The following SLC19A2 variants were observed in gnomAD, a reference collection of about 807,000 sequenced individuals.
SLC19A2 encodes solute carrier family 19 member 2, also known as thiamine transporter 1.
In SLC19A2, 27 loss-of-function variants were observed where a neutral mutation model predicts 44.7. The ratio of observed to expected loss-of-function variants is 0.60; its 90% CI spans 0.45 to 0.83. SLC19A2 has a LOEUF of 0.83. Ranked by LOEUF, SLC19A2 falls within the 40% of genes least tolerant of loss-of-function variation. The pLI is 0.00. For missense variants in SLC19A2, 566 were observed against 613.7 expected (o/e 0.92, Z 0.82); for synonymous variants, 239 against 243.6 (o/e 0.98, Z 0.18).
Position 169,469,970 on chromosome 1 carries a change from A to C in SLC19A2, c.1024T>G (p.Leu342Val), listed in dbSNP as rs1557889105. The change falls in exon 3 of 6, where the codon TTA becomes GTA. Residue 342 changes from leucine to valine, a missense_variant. By Grantham distance (32) the Leu-to-Val change is conservative. Coordinates refer to ENST00000236137, the MANE Select transcript of SLC19A2 (RefSeq NM_006996.3). ...ATTATCCTGCATTGCTTACCCAGTA[A>C]GGTTGAAACGGCCTCCACGCCACCA... ...YNGGVEAVST[L>V]LGAVAVFAVG... is the part of the protein sequence containing the mutation. 6.2e-7 allele frequency: 1 copy of C among 1,613,620 alleles called. No individual in the cohort carries two copies. The highest frequency in any genetic ancestry group is 8.5e-7 in the Non-Finnish European group (1 of 1,179,770).
chr1:169,469,420 A>G (rs1272101175), intron 3 of SLC19A2, among the ~76,000 whole-genome samples: 3 of 152,206 alleles, frequency 2.0e-5, no homozygotes, highest in Admixed American at 6.5e-5. Context: ...CTCTGAAGCC[A>G]TCCTGCCTGA....
chr1:169,473,409 ATTT>A (rs34688678), intron 2 of SLC19A2, among the ~76,000 whole-genome samples: 7 of 138,626 alleles, frequency 5.0e-5, no homozygotes, highest in Admixed American at 2.2e-4. Context: ...TAGTTTTTGT[ATTT>A]TTTTTTTTTT....
intron 2 of SLC19A2, among the ~76,000 whole-genome samples, chr1:169,473,127 C>T (rs768730194): frequency 2.6e-5 from 4 of 152,132 alleles, no homozygotes; most frequent in Non-Finnish European, 5.9e-5. Context: ...AAGATTTTGA[C>T]GCTGTTTTAT....
chr1:169,464,701 A>G lies in SLC19A2; in HGVS notation c.*1148T>C, dbSNP rs1657947445. The G allele has an allele frequency of 6.6e-6, 1 of 152,634 alleles. No homozygotes were observed. The highest frequency in any genetic ancestry group is 1.5e-5 in the Non-Finnish European group (1 of 68,012). The allele number at this position is 152,634 out of a possible 1,614,324, so 9.5% of individuals were successfully genotyped here. On this transcript the variant is annotated 3_prime_UTR_variant, in exon 6 of 6. Coordinates refer to ENST00000236137, the MANE Select transcript of SLC19A2 (RefSeq NM_006996.3). ...TTTTTTCAAGTAACTTGGTAATGAAATCACTAGCAATTTTAAGCAAATATT... is the reference window on the plus strand; with the variant it reads ...TTTTTTCAAGTAACTTGGTAATGAAGTCACTAGCAATTTTAAGCAAATATT...
intron 4 of SLC19A2, 150 bp from the exon 5 acceptor site, chr1:169,468,402 G>T: frequency 1.4e-6 from 1 of 723,432 alleles, no homozygotes. Context: ...AAAACATTCT[G>T]CAACTAAATG....
At position 169,466,179 on chromosome 1, in the gene SLC19A2, TC is replaced by T. The variant is rs1310735325; in HGVS notation, c.1366-203del. On this transcript the variant is annotated intron_variant, in intron 5 of 5. Transcript: ENST00000236137. Reference sequence around the variant, plus strand: ...TGCCTGAGTGTGAATCCTGACTTCATCCCTTACAAGCTGCGTGAACTTGATT... The same window carrying T: ...TGCCTGAGTGTGAATCCTGACTTCATCCTTACAAGCTGCGTGAACTTGATT... Among the ~76,000 whole-genome samples the T allele has an allele frequency of 3.3e-5, 5 of 152,198 alleles. No individual in the cohort carries two copies. The South Asian group carries it at 1.0e-3, about 31-fold the overall frequency.
At position 169,465,706 on chromosome 1, in the gene SLC19A2, A is replaced by C; in HGVS notation, c.*143T>G. 2 of 832,900 alleles carry C rather than the reference A, an allele frequency of 2.4e-6. No individual in the cohort carries two copies. The highest frequency in any genetic ancestry group is 4.0e-6 in the Non-Finnish European group (2 of 497,888). 51.6% of individuals were successfully genotyped at this position (832,900 alleles called of 1,614,324 possible). A position where few individuals can be genotyped will look rare whatever the true frequency, so the allele number is the denominator to read the frequency against. Reference sequence around the variant, plus strand: ...CTGAATAGTATCATGTTATTCCCGGAACACAAGGTATTAGTCAAGTGGCTG... The same window carrying C: ...CTGAATAGTATCATGTTATTCCCGGCACACAAGGTATTAGTCAAGTGGCTG... On this transcript the variant is annotated 3_prime_UTR_variant, in exon 6 of 6. Coordinates refer to ENST00000236137, the MANE Select transcript of SLC19A2 (RefSeq NM_006996.3).
In SLC19A2 at chr1:169,485,643, A is replaced by C. The variant is rs1490832268; in HGVS notation, c.124T>G (p.Phe42Val). ...LPTALLCAYG[F>V]FASLRPSEPF... ...TCGGACGGCCTGAGGCTGGCGAAGA[A>C]GCCGTAGGCGCAGAGCAGCGCGGTC... Residue 42 changes from phenylalanine to valine, a missense_variant, in exon 1 of 6, where the codon TTC becomes GTC. By Grantham distance (50) the Phe-to-Val change is conservative. Transcript: ENST00000236137. 2.6e-6 allele frequency: 4 copies of C among 1,558,616 alleles called. No individual in the cohort carries two copies. The highest frequency in any genetic ancestry group is 3.8e-5 in the Admixed American group (2 of 52,398).
chr1:169,479,124 G>C (rs991349375), intron 1 of SLC19A2, among the ~76,000 whole-genome samples: 1 of 152,144 alleles, frequency 6.6e-6, no homozygotes, highest in Non-Finnish European at 1.5e-5. Flanking sequence ...CGGAATCACT[G>C]TCAATTCTTA....
intron 2 of SLC19A2, among the ~76,000 whole-genome samples, chr1:169,475,616 AC>A (rs1658287175): frequency 6.6e-6 from 1 of 152,030 alleles, no homozygotes; most frequent in South Asian, 2.1e-4. Flanking sequence ...ATGATTACAC[AC>A]CTCCTTCCCT....
chr1:169,465,714 G>GT lies in SLC19A2; in HGVS notation c.*134dup, dbSNP rs879481344. ...TATCATGTTATTCCCGGAACACAAG[G>GT]TATTAGTCAAGTGGCTGCTGTGAAG... is the stretch of plus-strand genomic sequence containing the variant. On this transcript the variant is annotated 3_prime_UTR_variant, in exon 6 of 6. Transcript: ENST00000236137. The GT allele has an allele frequency of 1.9e-4, 167 of 884,504 alleles. 1 individual carries two copies. The Admixed American group carries it at 2.9e-3, about 15-fold the overall frequency. The allele number at this position is 884,504 out of a possible 1,614,324, so 54.8% of individuals were successfully genotyped here.
At chr1:169,469,133 G>GA in intron 3 of SLC19A2, 2 of 384,956 alleles carry the variant, frequency 5.2e-6, no homozygotes, top group East Asian at 1.2e-4. Context: ...GCAGAGGCAA[G>GA]AGTCAAAAAG....
intron 1 of SLC19A2, among the ~76,000 whole-genome samples, chr1:169,482,665 G>C (rs916187389): frequency 4.6e-5 from 7 of 152,196 alleles, no homozygotes; most frequent in Non-Finnish European, 8.8e-5. Flanking sequence ...GACCTTGAAG[G>C]ATGAGAAACC....
chr1:169,471,102 A>G (rs1658165255), intron 2 of SLC19A2, among the ~76,000 whole-genome samples: 1 of 151,670 alleles, frequency 6.6e-6, no homozygotes, highest in African/African-American at 2.4e-5. Flanking sequence ...TTTTGTGGCT[A>G]ACATGGAAAG....
chr1:169,465,739 G>GT lies in SLC19A2; in HGVS notation c.*109dup. 8.0e-7 allele frequency: 1 copy of GT among 1,247,510 alleles called. No individual in the cohort carries two copies. The highest frequency in any genetic ancestry group is 1.2e-6 in the Non-Finnish European group (1 of 860,582). The allele number at this position is 1,247,510 out of a possible 1,614,324, so 77.3% of individuals were successfully genotyped here. A position where few individuals can be genotyped will look rare whatever the true frequency, so the allele number is the denominator to read the frequency against. On this transcript the variant is annotated 3_prime_UTR_variant, in exon 6 of 6. Transcript: ENST00000236137. ...GTATTAGTCAAGTGGCTGCTGTGAA[G>GT]TCAAGAAATGCACATTCATAAATAT...
At chr1:169,472,556 A>G (rs928401480) in intron 2 of SLC19A2, among the ~76,000 whole-genome samples, 6 of 152,236 alleles carry the variant, frequency 3.9e-5, no homozygotes, top group African/African-American at 1.4e-4. Context: ...GAGGGGCTCA[A>G]TTAGTGTTAT....
intron 1 of SLC19A2, among the ~76,000 whole-genome samples, chr1:169,485,040 C>T (rs942305416): frequency 6.6e-6 from 1 of 152,250 alleles, no homozygotes; most frequent in African/African-American, 2.4e-5. Context: ...TTCTGTACTT[C>T]TGTCCTGTCC....
chr1:169,472,577 T>C (rs191238399), intron 2 of SLC19A2, among the ~76,000 whole-genome samples: 11 of 152,366 alleles, frequency 7.2e-5, no homozygotes, highest in African/African-American at 2.6e-4. Flanking sequence ...TTTTATTGCA[T>C]AGCTTAAAAA....
chr1:169,485,544 C>T lies in SLC19A2; in HGVS notation c.204+19G>A. On this transcript the variant is annotated intron_variant, in intron 1 of 5. Coordinates refer to ENST00000236137, the MANE Select transcript of SLC19A2 (RefSeq NM_006996.3). ...GCCGGTCGCCCGCCCTTCCCGCGCC[C>T]CGCGTCCGCCGCGCGTACCTCCCTC... The T allele has an allele frequency of 6.4e-7, 1 of 1,572,274 alleles. No individual in the cohort carries two copies. The highest frequency in any genetic ancestry group is 8.6e-7 in the Non-Finnish European group (1 of 1,159,340).
Sources: gnomAD v4.1 joint callset for allele counts (sites outside exome capture counted in the v4.1 genomes callset) on GRCh38, gnomAD v4.1.1 for gene constraint, MANE v1.5 for transcripts, NCBI Gene and HGNC (gene_info 2026-07-23, HGNC 2026-07-21) for gene names.